SPPL3: variants seen among roughly 807,000 people sequenced by gnomAD.
SPPL3 encodes signal peptide peptidase like 3.
Under a neutral mutation model 42.4 loss-of-function variants are expected in SPPL3, and 5 were observed. The ratio of observed to expected loss-of-function variants is 0.12; its 90% CI spans 0.06 to 0.25. The LOEUF (loss-of-function observed/expected upper bound fraction) is 0.25, where lower values mean the gene tolerates loss of function less well. Ranked by LOEUF, SPPL3 falls within the 10% of genes least tolerant of loss-of-function variation. SPPL3 has a pLI of 1.00. For synonymous variants in SPPL3, 195 were observed against 181.8 expected (o/e 1.07, Z -0.58); for missense variants, 235 against 489.0 (o/e 0.48, Z 4.90).
chr12:120,823,859 A>C (rs1592980722), intron 1 of SPPL3, among the ~76,000 whole-genome samples: 1 of 148,626 alleles, frequency 6.7e-6, no homozygotes, highest in Admixed American at 7.0e-5. Context: ...TATATAATTC[A>C]CTCTATCACA....
At chr12:120,843,517 T>C (rs769228966) in intron 1 of SPPL3, among the ~76,000 whole-genome samples, 1 of 152,194 alleles carries the variant, frequency 6.6e-6, no homozygotes, top group Non-Finnish European at 1.5e-5. Flanking sequence ...CATCTACTGG[T>C]TTCCTCCCAC....
At chr12:120,820,234 G>A (rs1437977473) in intron 1 of SPPL3, among the ~76,000 whole-genome samples, 1 of 150,998 alleles carries the variant, frequency 6.6e-6, no homozygotes, top group African/African-American at 2.4e-5. Flanking sequence ...TGTATTCCAT[G>A]CTTACAGAAA....
At chr12:120,891,409 T>A (rs962161646) in intron 1 of SPPL3, among the ~76,000 whole-genome samples, 8 of 151,918 alleles carry the variant, frequency 5.3e-5, no homozygotes, top group African/African-American at 1.9e-4. Context: ...TAAGCACACA[T>A]CAGGCCACGA....
intron 1 of SPPL3, among the ~76,000 whole-genome samples, chr12:120,884,813 T>C (rs559376922): frequency 3.5e-4 from 53 of 150,164 alleles, no homozygotes; most frequent in African/African-American, 1.2e-3. Flanking sequence ...TTTGGGTTTT[T>C]TTTTTTTTTT....
intron 1 of SPPL3, chr12:120,901,841 A>G (rs567211757): frequency 2.1e-6 from 2 of 959,942 alleles, no homozygotes; most frequent in East Asian, 1.1e-4. Context: ...AATAGAGCCA[A>G]CTAATGTCAG....
intron 6 of SPPL3, 36 bp downstream of exon 6, chr12:120,782,619 A>G: frequency 6.9e-7 from 1 of 1,453,422 alleles, no homozygotes. Flanking sequence ...AACTCTATAA[A>G]GTAAAATTAC....
chr12:120,873,353 G>A (rs1200559553), intron 1 of SPPL3, among the ~76,000 whole-genome samples: 1 of 152,026 alleles, frequency 6.6e-6, no homozygotes, highest in Non-Finnish European at 1.5e-5. Flanking sequence ...AATACAGGAA[G>A]GGCAAAAGGG....
At chr12:120,858,410 C>T (rs892150432) in intron 1 of SPPL3, among the ~76,000 whole-genome samples, 9 of 150,782 alleles carry the variant, frequency 6.0e-5, no homozygotes, top group East Asian at 1.9e-4. Context: ...GAGCCAAGAT[C>T]GCAACATTGC....
At chr12:120,887,462 T>C (rs1223916528) in intron 1 of SPPL3, among the ~76,000 whole-genome samples, 1 of 152,144 alleles carries the variant, frequency 6.6e-6, no homozygotes, top group East Asian at 1.9e-4. Flanking sequence ...CCTTCAGTCA[T>C]GAAACCACTC....
intron 1 of SPPL3, among the ~76,000 whole-genome samples, chr12:120,843,364 T>C (rs1485321377): frequency 2.6e-5 from 4 of 152,224 alleles, no homozygotes; most frequent in Non-Finnish European, 1.5e-5. Flanking sequence ...CCCATTCATA[T>C]CTACTCTACT....
chr12:120,775,542 G>A (rs1869282586), intron 6 of SPPL3, among the ~76,000 whole-genome samples: 1 of 152,150 alleles, frequency 6.6e-6, no homozygotes. Context: ...GCTATAAAAC[G>A]AGGGGACTGA....
intron 1 of SPPL3, among the ~76,000 whole-genome samples, chr12:120,895,313 G>T (rs1481144182): frequency 6.6e-6 from 1 of 151,914 alleles, no homozygotes; most frequent in African/African-American, 2.4e-5. Context: ...TATAAACCCA[G>T]CTACTTTGGA....
At chr12:120,831,877 C>T (rs1418554581) in intron 1 of SPPL3, among the ~76,000 whole-genome samples, 1 of 152,122 alleles carries the variant, frequency 6.6e-6, no homozygotes, top group Non-Finnish European at 1.5e-5. Flanking sequence ...GCCTTTTGTT[C>T]TAAAGGGAGA....
At chr12:120,880,022 CTA>C in intron 1 of SPPL3, among the ~76,000 whole-genome samples, 1 of 149,358 alleles carries the variant, frequency 6.7e-6, no homozygotes, top group African/African-American at 2.5e-5. Flanking sequence ...TTTAACAATC[CTA>C]CTTGATTTTC....
chr12:120,792,679 ACAGAGTGAGACTGTCTC>A (rs1869960267), intron 2 of SPPL3, among the ~76,000 whole-genome samples: 3 of 144,200 alleles, frequency 2.1e-5, no homozygotes, highest in Non-Finnish European at 4.6e-5. Flanking sequence ...CGGCCTGGCA[ACAGAGTGAGACTGTCTC>A]AAAAAAAAAA....
At chr12:120,867,816 C>T (rs1306308973) in intron 1 of SPPL3, among the ~76,000 whole-genome samples, 4 of 151,854 alleles carry the variant, frequency 2.6e-5, no homozygotes, top group South Asian at 4.1e-4. Context: ...GGCATGATCT[C>T]GGCTCACCGC....
intron 1 of SPPL3, among the ~76,000 whole-genome samples, chr12:120,817,738 C>T (rs1870929131): frequency 6.6e-6 from 1 of 152,192 alleles, no homozygotes; most frequent in Admixed American, 6.5e-5. Context: ...TTCACCTACT[C>T]TACAAGCTCA....
chr12:120,866,398 G>A (rs565205181), intron 1 of SPPL3, among the ~76,000 whole-genome samples: 1 of 152,072 alleles, frequency 6.6e-6, no homozygotes, highest in Non-Finnish European at 1.5e-5. Flanking sequence ...TTCCTATTAC[G>A]CAAGGTTGGG....
chr12:120,844,141 G>C (rs916544386), intron 1 of SPPL3, among the ~76,000 whole-genome samples: 1 of 152,028 alleles, frequency 6.6e-6, no homozygotes, highest in Non-Finnish European at 1.5e-5. Context: ...GGACAAAATA[G>C]AACTCTCGAT....
Sources: allele counts gnomAD v4.1 joint callset (sites outside exome capture counted in the v4.1 genomes callset), GRCh38; gene constraint gnomAD v4.1.1; transcripts MANE v1.5; gene names NCBI Gene and HGNC (gene_info 2026-07-23, HGNC 2026-07-21).